Variants in CD34 observed in about 807,000 individuals in gnomAD.
CD34 encodes CD34 molecule.
CD34 carries 34 observed loss-of-function variants against 40.1 expected under a neutral mutation model. That is an observed-to-expected ratio of 0.85 (90% CI 0.65 to 1.13). The LOEUF (loss-of-function observed/expected upper bound fraction) is 1.13, where lower values mean the gene tolerates loss of function less well. CD34 is among the 50% of genes most tolerant of loss of function. The probability of loss-of-function intolerance (pLI) is 0.00; values close to 1 mark genes in which losing one functional copy is unlikely to be tolerated. For synonymous variants in CD34, 209 were observed against 190.0 expected, an observed-to-expected ratio of 1.10 and a Z score of -0.82; for missense variants, 426 against 466.9, an observed-to-expected ratio of 0.91 and a Z score of 0.81.
intron 4 of CD34, among the ~76,000 whole-genome samples, chr1:207,896,712 C>A (rs1355972683): frequency 6.6e-6 from 1 of 151,462 alleles, no homozygotes; most frequent in East Asian, 1.9e-4. Flanking sequence ...AGAGCAATTA[C>A]AATTCAAATT....
rs2102294864 is a variant in CD34, at chr1:207,888,775, T to C, written c.879A>G (p.Ala293=). The change falls in exon 7 of 8, where the codon GCA becomes GCG. Residue 293 remains alanine (A), a synonymous_variant. Coordinates refer to ENST00000310833, the MANE Select transcript of CD34 (RefSeq NM_001025109.2). The part of the protein sequence containing the change: ...HQSYSQKTLI[A]LVTSGALLAV... ...CCAGCAGGGCTCCCGAGGTGACCAG[T>C]GCAATCAGGGTCTTTTGGGAATAGC... 1 of 1,614,154 alleles carries C rather than the reference T, an allele frequency of 6.2e-7. No homozygotes were observed. The highest frequency in any genetic ancestry group is 1.1e-5 in the South Asian group (1 of 91,080).
chr1:207,889,631 CAG>C lies in CD34; in HGVS notation c.598-12_598-11del. The C allele has an allele frequency of 6.2e-7, 1 of 1,611,812 alleles. No individual in the cohort carries two copies. Among genetic ancestry groups the C allele is most frequent in the Non-Finnish European group, 8.5e-7 (1 of 1,179,044 alleles). Reference sequence around the variant, plus strand: ...CCTTCTTAAACTCCGCCTGGGAAGACAGAGAAACATGGAGAGCAAGAGATGAA... The same window carrying C: ...CCTTCTTAAACTCCGCCTGGGAAGACAGAAACATGGAGAGCAAGAGATGAA... On this transcript the variant is annotated splice_polypyrimidine_tract_variant and intron_variant, in intron 4 of 7. Coordinates refer to ENST00000310833, the MANE Select transcript of CD34 (RefSeq NM_001025109.2).
chr1:207,901,782 G>A (rs565518049), intron 1 of CD34, among the ~76,000 whole-genome samples: 181 of 152,244 alleles, frequency 1.2e-3, no homozygotes, highest in Admixed American at 2.0e-3. Context: ...CTCTTGCCTT[G>A]GGCCTTGTAA....
At chr1:207,889,969 T>C (rs1476085303) in intron 4 of CD34, 1 of 1,455,486 alleles carries the variant, frequency 6.9e-7, no homozygotes, top group African/African-American at 1.5e-5. Context: ...AATGCAATAA[T>C]AACTAAGAGA....
chr1:207,910,043 A>G (rs1228406184), intron 1 of CD34, among the ~76,000 whole-genome samples: 2 of 152,264 alleles, frequency 1.3e-5, no homozygotes, highest in East Asian at 3.8e-4. Context: ...AAAAGTTTCA[A>G]ACCTTCCAAG....
At chr1:207,893,784 G>T (rs1662082810) in intron 4 of CD34, among the ~76,000 whole-genome samples, 1 of 152,174 alleles carries the variant, frequency 6.6e-6, no homozygotes, top group Admixed American at 6.5e-5. Context: ...TTTCCCCAAA[G>T]AAGATATACA....
intron 5 of CD34, 97 bp downstream of exon 5, chr1:207,889,368 G>C: frequency 6.5e-7 from 1 of 1,531,342 alleles, no homozygotes; most frequent in Non-Finnish European, 8.9e-7. Flanking sequence ...CCCAGCACCT[G>C]TGGTCTCTCT....
At chr1:207,907,014 C>T (rs1268557403) in intron 1 of CD34, among the ~76,000 whole-genome samples, 1 of 152,072 alleles carries the variant, frequency 6.6e-6, no homozygotes, top group Non-Finnish European at 1.5e-5. Context: ...CTCCATGGCT[C>T]AATGGCTCCC....
chr1:207,890,158 T>C (rs1662002495), intron 4 of CD34: 2 of 1,045,318 alleles, frequency 1.9e-6, no homozygotes, highest in African/African-American at 3.4e-5. Context: ...CATTTTTGTC[T>C]CGTCTTCCAT....
chr1:207,890,212 T>G, intron 4 of CD34: 3 of 1,002,696 alleles, frequency 3.0e-6, no homozygotes, highest in Non-Finnish European at 3.6e-6. Context: ...TTAATGAAGT[T>G]CATAGATTTT....
rs147168836 is a variant in CD34, at chr1:207,887,804, G to T, written c.1092C>A (p.Thr364=). The T allele has an allele frequency of 2.5e-6, 4 of 1,614,038 alleles. No homozygotes were observed. In the South Asian group the frequency reaches 4.4e-5, roughly 18 times the overall value. The change falls in exon 8 of 8, where the codon ACC becomes ACA. Residue 364 remains threonine, a synonymous_variant. Transcript: ENST00000310833. ...SVNRGAQENG[T]GQATSRNGHS... is the part of the protein sequence containing the mutation. ...GGCCGTTTCTGGAGGTGGCCTGGCC[G>T]GTCCCGTTTTCCTGAGCCCCTCGGT...
At position 207,887,455 on chromosome 1, in the gene CD34, GC is replaced by G. The variant is rs1229796287; in HGVS notation, c.*282del. The G allele has an allele frequency of 2.4e-6, 1 of 424,460 alleles. No individual in the cohort carries two copies. The highest frequency in any genetic ancestry group is 4.3e-6 in the Non-Finnish European group (1 of 234,396). The allele number at this position is 424,460 out of a possible 1,614,324, so 26.3% of individuals were successfully genotyped here. A position where few individuals can be genotyped will look rare whatever the true frequency, so the allele number is the denominator to read the frequency against. ...GGGGGTCCTGTGTGAGTGCTGCAAG[GC>G]CATCGATTGTTCCTGGGAGCTTCTC... On this transcript the variant is annotated 3_prime_UTR_variant, in exon 8 of 8. Transcript: ENST00000310833.
chr1:207,888,265 G>A, intron 7 of CD34: 1 of 807,788 alleles, frequency 1.2e-6, no homozygotes, highest in Non-Finnish European at 2.1e-6. Context: ...TCAGACCTCA[G>A]CCTTGTCCTC....
intron 4 of CD34, among the ~76,000 whole-genome samples, chr1:207,890,649 T>G (rs566900749): frequency 1.9e-4 from 29 of 152,292 alleles, no homozygotes; most frequent in African/African-American, 7.0e-4. Flanking sequence ...AGGTCAAGAT[T>G]GGCCTCAGGA....
chr1:207,887,584 A>T lies in CD34; in HGVS notation c.*154T>A. On this transcript the variant is annotated 3_prime_UTR_variant, in exon 8 of 8. Transcript: ENST00000310833. ...GACAGGAGTTTACCTGCCCCTCCTC[A>T]AGGTGTAGGGCCCCAAGAACAGCCT... is the stretch of plus-strand genomic sequence containing the variant. The T allele has an allele frequency of 9.6e-7, 1 of 1,046,396 alleles. No individual in the cohort carries two copies. The allele number at this position is 1,046,396 out of a possible 1,614,324, so 64.8% of individuals were successfully genotyped here. A position where few individuals can be genotyped will look rare whatever the true frequency, so the allele number is the denominator to read the frequency against.
At chr1:207,905,341 G>A (rs1662353528) in intron 1 of CD34, among the ~76,000 whole-genome samples, 1 of 152,206 alleles carries the variant, frequency 6.6e-6, no homozygotes, top group Non-Finnish European at 1.5e-5. Flanking sequence ...TAGCCATATT[G>A]GCCAAGCTGG....
At chr1:207,891,705 G>A (rs1024693124) in intron 4 of CD34, among the ~76,000 whole-genome samples, 3 of 151,190 alleles carry the variant, frequency 2.0e-5, no homozygotes, top group Admixed American at 6.6e-5. Context: ...ATGATATCCA[G>A]GCACAGTTCT....
chr1:207,904,848 G>A lies in CD34; in HGVS notation c.80-4845C>T, dbSNP rs146115736. Among the ~76,000 whole-genome samples, 63 of 152,302 alleles carry A rather than the reference G, an allele frequency of 4.1e-4. No individual in the cohort carries two copies. In the East Asian group the frequency reaches 0.01, roughly 24 times the overall value. On this transcript the variant is annotated intron_variant, in intron 1 of 7. Transcript: ENST00000310833. The stretch of plus-strand genomic sequence containing the variant: ...TGCTTAGCACAATCCTTGGAGTTTA[G>A]GAAAAGCAATAGGATTGGAGGACAA...
intron 4 of CD34, among the ~76,000 whole-genome samples, chr1:207,894,040 T>C (rs1191162018): frequency 6.6e-6 from 1 of 152,206 alleles, no homozygotes; most frequent in Non-Finnish European, 1.5e-5. Flanking sequence ...TCCAGCCATT[T>C]CACTTTTGGA....
Sources: allele counts gnomAD v4.1 joint callset (sites outside exome capture counted in the v4.1 genomes callset), GRCh38; gene constraint gnomAD v4.1.1; transcripts MANE v1.5; gene names NCBI Gene and HGNC (gene_info 2026-07-23, HGNC 2026-07-21).